SGSM2: variants seen among roughly 807,000 people sequenced by gnomAD.
SGSM2 encodes the protein RUN and TBC1 domain containing 1.
Under a neutral mutation model 126.6 loss-of-function variants are expected in SGSM2, and 89 were observed. The observed-to-expected ratio is 0.70, with a 90% CI of 0.59 to 0.84. The LOEUF (loss-of-function observed/expected upper bound fraction) is 0.84. Ranked by LOEUF, SGSM2 falls within the 40% of genes least tolerant of loss-of-function variation. The pLI is 0.00. For synonymous variants in SGSM2, 614 were observed against 574.3 expected (o/e 1.07, Z -0.99); for missense variants, 1,404 against 1,416.6 (o/e 0.99, Z 0.14).
chr17:2,340,795 A>C (rs368941237), intron 1 of SGSM2, among the ~76,000 whole-genome samples: 8 of 152,208 alleles, frequency 5.3e-5, no homozygotes, highest in African/African-American at 1.7e-4. Context: ...CATGTTAGCC[A>C]GGATGGTCTC....
rs563045510 is a variant in SGSM2 at position 2,340,730 on chromosome 17, G to A, written c.58-2815G>A. Among the ~76,000 whole-genome samples, 91 of 151,628 alleles carry A rather than the reference G, an allele frequency of 6.0e-4. 2 individuals are homozygous for A. Among genetic ancestry groups the A allele is most frequent in the Admixed American group, 1.9e-3 (29 of 15,226 alleles). On this transcript the variant is annotated intron_variant, in intron 1 of 23. Coordinates refer to ENST00000268989, the MANE Select transcript of SGSM2 (RefSeq NM_014853.3). Reference sequence around the variant, plus strand: ...CTTCTGAGTAGCTGGGACTACAGGCGCCTGCCACCACGCCCGGCTAATTTT... The same window carrying A: ...CTTCTGAGTAGCTGGGACTACAGGCACCTGCCACCACGCCCGGCTAATTTT...
chr17:2,376,029 C>T (rs1012305626), intron 18 of SGSM2, 108 bp from the exon 19 acceptor site: 23 of 1,562,282 alleles, frequency 1.5e-5, no homozygotes, highest in Admixed American at 1.7e-5. Context: ...ACAGGACTCG[C>T]TCTGGTCTCT....
intron 2 of SGSM2, among the ~76,000 whole-genome samples, chr17:2,352,977 C>G (rs532178688): frequency 1.3e-5 from 2 of 151,290 alleles, no homozygotes; most frequent in Non-Finnish European, 2.9e-5. Context: ...CGGGGTTTCA[C>G]CATGTTAGCC....
At chr17:2,376,554 TG>T (rs548597020) in intron 19 of SGSM2, 178 bp from the exon 20 acceptor site, 5 of 750,156 alleles carry the variant, frequency 6.7e-6, no homozygotes, top group Admixed American at 2.4e-5. Flanking sequence ...CGGAGTGCCT[TG>T]GGGGGGACCC....
Position 2,373,432 on chromosome 17 carries a change from A to G in SGSM2, c.2019A>G (p.Thr673=). The G allele has an allele frequency of 1.9e-6, 3 of 1,611,418 alleles. No individual in the cohort carries two copies. The South Asian group carries it at 3.3e-5, about 18-fold the overall frequency. The change falls in exon 17 of 24, where the codon ACA becomes ACG. Residue 673 remains threonine, a synonymous_variant. Transcript: ENST00000268989. The part of the protein sequence containing the change: ...RQREREAHPA[T]RTKFSSGSSI... ...GGGAGCGGGAGGCCCACCCAGCCAC[A>G]CGCACCAAGTTCTCCTCAGGCAGCA...
At chr17:2,339,060 A>G (rs540151157) in intron 1 of SGSM2, among the ~76,000 whole-genome samples, 5 of 147,954 alleles carry the variant, frequency 3.4e-5, no homozygotes, top group Admixed American at 3.4e-4. Context: ...CTCCGTCTCA[A>G]AAAAAAAAAA....
chr17:2,360,781 C>T (rs2065276028), intron 2 of SGSM2, among the ~76,000 whole-genome samples: 1 of 152,234 alleles, frequency 6.6e-6, no homozygotes, highest in African/African-American at 2.4e-5. Flanking sequence ...CCCAACCAGA[C>T]ACACCTGGAC....
At chr17:2,345,220 T>G (rs921387745) in intron 2 of SGSM2, among the ~76,000 whole-genome samples, 1 of 152,154 alleles carries the variant, frequency 6.6e-6, no homozygotes, top group Non-Finnish European at 1.5e-5. Context: ...CCCAGCACTT[T>G]GGGAGGTGAG....
intron 2 of SGSM2, among the ~76,000 whole-genome samples, chr17:2,344,043 C>T (rs771484295): frequency 2.6e-5 from 4 of 152,206 alleles, no homozygotes; most frequent in Non-Finnish European, 4.4e-5. Flanking sequence ...TTGTGCTTTT[C>T]GGATGCTCTG....
chr17:2,364,033 C>A, intron 7 of SGSM2, 26 bp from the exon 8 acceptor site: 1 of 1,613,876 alleles, frequency 6.2e-7, no homozygotes, highest in Non-Finnish European at 8.5e-7. Context: ...CCTTCATCGT[C>A]GGTCTTCCGG....
chr17:2,348,199 G>A (rs952441157), intron 2 of SGSM2, among the ~76,000 whole-genome samples: 1 of 152,148 alleles, frequency 6.6e-6, no homozygotes, highest in Non-Finnish European at 1.5e-5. Flanking sequence ...GAGAGAAGCC[G>A]GTGCTAGGGA....
At position 2,372,852 on chromosome 17, in the gene SGSM2, T is replaced by TA. The variant is rs2065937974; in HGVS notation, c.1789-100dup. On this transcript the variant is annotated intron_variant, in intron 15 of 23. Transcript: ENST00000268989. This position sits in a 1 kb window ranked among gnomAD's most constrained non-coding sequence, Gnocchi z 6.0. The stretch of plus-strand genomic sequence containing the variant: ...GCCTTGCCTGGGCTTCAGCAGTCAC[T>TA]ACAGGCCCCGCCCCAGCCCATTCTC... 2 of 1,477,086 alleles carry TA rather than the reference T, an allele frequency of 1.4e-6. No homozygotes were observed. The highest frequency in any genetic ancestry group is 1.8e-6 in the Non-Finnish European group (2 of 1,102,614). 91.5% of individuals were successfully genotyped at this position (1,477,086 alleles called of 1,614,324 possible). A position where few individuals can be genotyped will look rare whatever the true frequency, so the allele number is the denominator to read the frequency against.
At chr17:2,377,630 A>T (rs2066237033) in intron 21 of SGSM2, 1 of 409,690 alleles carries the variant, frequency 2.4e-6, no homozygotes, top group South Asian at 3.4e-5. Context: ...AACCCTAAAA[A>T]TAATGCAGCT....
Position 2,380,244 on chromosome 17 carries a change from C to G in SGSM2, c.*724C>G, listed in dbSNP as rs571990753. ...CTGTACAGCCTCGCTCCTGCCACCC[C>G]ACCCTTGCGTTCTGCATTAGGTACT... is the stretch of plus-strand genomic sequence containing the variant. On this transcript the variant is annotated 3_prime_UTR_variant, in exon 24 of 24. Coordinates refer to ENST00000268989, the MANE Select transcript of SGSM2 (RefSeq NM_014853.3). 6.1e-5 allele frequency: 93 copies of G among 1,536,054 alleles called. No homozygotes were observed. Among genetic ancestry groups the G allele is most frequent in the East Asian group, 7.3e-5 (3 of 40,912 alleles).
rs2064204409 is a variant in SGSM2, at chr17:2,338,774, A to ATATATATAT, written c.57+1029_57+1030insTATATATAT. On this transcript the variant is annotated intron_variant, in intron 1 of 23. Transcript: ENST00000268989. ...CCTTGAGTCTCTATGCCGTCTCCCT[A>ATATATATAT]ATATATATATATATAACCTCACGCC... Among the ~76,000 whole-genome samples the ATATATATAT allele has an allele frequency of 2.2e-5, 3 of 133,892 alleles. No homozygotes were observed. The Admixed American group carries it at 2.3e-4, about 10-fold the overall frequency. The allele number at this position is 133,892 out of a possible 152,430, so 87.8% of individuals were successfully genotyped here.
Position 2,375,819 on chromosome 17 carries a change from G to A in SGSM2, c.2428G>A (p.Ala810Thr). 1 of 1,553,914 alleles carries A rather than the reference G, an allele frequency of 6.4e-7. No homozygotes were observed. The highest frequency in any genetic ancestry group is 8.7e-7 in the Non-Finnish European group (1 of 1,151,560). ...PQDPSQEKPQ[A>T]GELEAGEELA... ...GGATCCCAGCCAGGAGAAGCCTCAG[G>A]CCGGAGAACTGGAGGCCGGAGAGGA... Residue 810 changes from alanine (A) to threonine (T), a missense_variant, in exon 18 of 24, where the codon GCC becomes ACC. By Grantham distance (58) the Ala-to-Thr change is moderately conservative. Transcript: ENST00000268989.
chr17:2,349,360 G>C (rs1597321960), intron 2 of SGSM2, among the ~76,000 whole-genome samples: 1 of 136,256 alleles, frequency 7.3e-6, no homozygotes, highest in South Asian at 2.7e-4. Flanking sequence ...GGGCGACAGA[G>C]CGAGACTTGG....
At chr17:2,374,948 A>G (rs1233313690) in intron 17 of SGSM2, 1 of 152,538 alleles carries the variant, frequency 6.6e-6, no homozygotes, top group African/African-American at 2.4e-5. Flanking sequence ...TCTAGGAGGC[A>G]GAATGTTTGC....
chr17:2,337,835 G>C lies in SGSM2; in HGVS notation c.57+90G>C, dbSNP rs957838268. 67 of 1,021,442 alleles carry C rather than the reference G, an allele frequency of 6.6e-5. No homozygotes were observed. Among genetic ancestry groups the C allele is most frequent in the Non-Finnish European group, 8.8e-5 (67 of 762,112 alleles). The allele number at this position is 1,021,442 out of a possible 1,614,324, so 63.3% of individuals were successfully genotyped here. The stretch of plus-strand genomic sequence containing the variant: ...GGTCCGCGCCCACCCCCCGGCGCGG[G>C]CACCCGGGCCGAACCTGGGCCGGGC... On this transcript the variant is annotated intron_variant, in intron 1 of 23. Transcript: ENST00000268989. The surrounding 1 kb of genome is among the most constrained non-coding windows in gnomAD (Gnocchi z 5.1).
Sources: allele counts gnomAD v4.1 joint callset (sites outside exome capture counted in the v4.1 genomes callset), GRCh38; gene constraint gnomAD v4.1.1; non-coding constraint Gnocchi (gnomAD v3.1); transcripts MANE v1.5; gene names NCBI Gene and HGNC (gene_info 2026-07-23, HGNC 2026-07-21).